The following MCC variants were observed in gnomAD, a reference collection of about 807,000 sequenced individuals.
MCC encodes the protein MCC regulator of Wnt signaling pathway, also known as colorectal mutant cancer protein.
A neutral mutation model predicts 116.2 loss-of-function variants in MCC; 90 were observed. The observed-to-expected ratio is 0.77, with a 90% CI of 0.65 to 0.92. The LOEUF is 0.92. MCC is among the 40% of genes least tolerant of loss of function. The probability of loss-of-function intolerance (pLI) is 0.00; values close to 1 mark genes in which losing one functional copy is unlikely to be tolerated. For synonymous variants in MCC, 578 were observed against 510.5 expected (o/e 1.13, Z -1.78); for missense variants, 1,516 against 1,312.2 (o/e 1.16, Z -2.40).
intron 3 of MCC, among the ~76,000 whole-genome samples, chr5:113,179,899 G>C (rs778818547): frequency 6.6e-6 from 1 of 152,144 alleles, no homozygotes; most frequent in Non-Finnish European, 1.5e-5. Flanking sequence ...CAGCTGCTAT[G>C]GGTATTGCAG....
chr5:113,390,179 T>A (rs949194131), intron 1 of MCC, among the ~76,000 whole-genome samples: 1 of 152,056 alleles, frequency 6.6e-6, no homozygotes, highest in African/African-American at 2.4e-5. Context: ...AGAAAGAAAA[T>A]ACAGCTTACA....
chr5:113,174,823 A>C (rs1159328009), intron 3 of MCC, among the ~76,000 whole-genome samples: 1 of 152,138 alleles, frequency 6.6e-6, no homozygotes, highest in Non-Finnish European at 1.5e-5. Context: ...TCCTGGGCTC[A>C]GACGATCCTC....
intron 4 of MCC, among the ~76,000 whole-genome samples, chr5:113,146,135 CAATGTAGTACTAT>C (rs1759502150): frequency 6.6e-6 from 1 of 152,072 alleles, no homozygotes; most frequent in African/African-American, 2.4e-5. Context: ...AAATAGCATA[CAATGTAGTACTAT>C]AATGTAATAC....
At chr5:113,039,107 G>A (rs942649878) in intron 17 of MCC, among the ~76,000 whole-genome samples, 1 of 152,216 alleles carries the variant, frequency 6.6e-6, no homozygotes, top group African/African-American at 2.4e-5. Context: ...GCAGCACCAT[G>A]CTCTGCTCCT....
At chr5:113,259,154 G>A (rs1765129479) in intron 3 of MCC, among the ~76,000 whole-genome samples, 1 of 152,152 alleles carries the variant, frequency 6.6e-6, no homozygotes, top group Non-Finnish European at 1.5e-5. Context: ...TCTCATAACT[G>A]AAGGCAAATC....
chr5:113,046,710 A>AAAAAAAAAAGAG, intron 16 of MCC, among the ~76,000 whole-genome samples: 5 of 102,462 alleles, frequency 4.9e-5, no homozygotes, highest in African/African-American at 1.2e-4. Flanking sequence ...AAAAAAAAAA[A>AAAAAAAAAAGAG]AGAGAGAGAT....
At chr5:113,363,138 G>T (rs1004561696) in intron 2 of MCC, among the ~76,000 whole-genome samples, 32 of 152,226 alleles carry the variant, frequency 2.1e-4, no homozygotes, top group African/African-American at 7.7e-4. Flanking sequence ...ATTAGCTGGT[G>T]TGGTGGCACG....
intron 2 of MCC, among the ~76,000 whole-genome samples, chr5:113,381,508 C>A (rs979827166): frequency 6.6e-6 from 1 of 152,138 alleles, no homozygotes; most frequent in Non-Finnish European, 1.5e-5. Flanking sequence ...TACGACCAAG[C>A]TCGGCATGGT....
intron 3 of MCC, among the ~76,000 whole-genome samples, chr5:113,285,149 T>G (rs1766199171): frequency 6.6e-6 from 1 of 152,158 alleles, no homozygotes; most frequent in African/African-American, 2.4e-5. Flanking sequence ...TACTTTTGAC[T>G]ACAGAAAATG....
chr5:113,202,020 C>G (rs188501127), intron 3 of MCC, among the ~76,000 whole-genome samples: 4 of 152,266 alleles, frequency 2.6e-5, no homozygotes, highest in African/African-American at 7.2e-5. Context: ...TGGCTGCCAG[C>G]ACAACCCAGT....
At position 113,145,737 on chromosome 5, in the gene MCC, T is replaced by TAC. The variant is rs558608537; in HGVS notation, c.742-2379_742-2378dup. On this transcript the variant is annotated intron_variant, in intron 4 of 18. Transcript: ENST00000408903. ...CTTTTGTTTCTCTAATAAACTTGCT[T>TAC]ACACACACACACACACACACACACA... Among the ~76,000 whole-genome samples the TAC allele has an allele frequency of 6.9e-4, 85 of 123,522 alleles. 1 individual carries two copies. The highest frequency in any genetic ancestry group is 2.4e-3 in the African/African-American group (84 of 35,234). 81.0% of individuals were successfully genotyped at this position (123,522 alleles called of 152,430 possible).
At chr5:113,056,345 T>C (rs946440965) in intron 14 of MCC, among the ~76,000 whole-genome samples, 4 of 152,134 alleles carry the variant, frequency 2.6e-5, no homozygotes, top group African/African-American at 7.2e-5. Context: ...AGTGGTAGAC[T>C]AGATAGAGAA....
chr5:113,232,631 A>C (rs1763977386), intron 3 of MCC, among the ~76,000 whole-genome samples: 1 of 152,208 alleles, frequency 6.6e-6, no homozygotes, highest in South Asian at 2.1e-4. Context: ...AACACTTCAA[A>C]AAACCTTTAA....
intron 3 of MCC, among the ~76,000 whole-genome samples, chr5:113,338,517 T>C (rs1378178353): frequency 6.6e-6 from 1 of 152,022 alleles, no homozygotes; most frequent in Non-Finnish European, 1.5e-5. Context: ...ACTCCCACAG[T>C]TTTCAATAGC....
At position 113,430,633 on chromosome 5, in the gene MCC, A is replaced by G. The variant is rs115692786; in HGVS notation, c.171-45421T>C. Among the ~76,000 whole-genome samples the G allele has an allele frequency of 9.7e-3, 1,475 of 152,340 alleles. 9 individuals carry two copies. The highest frequency in any genetic ancestry group is 0.016 in the Non-Finnish European group (1,110 of 68,026). On this transcript the variant is annotated intron_variant, in intron 1 of 18. Transcript: ENST00000408903. The stretch of plus-strand genomic sequence containing the variant: ...TTCTAGTGGGAATCAGAAAGCATGT[A>G]TATGAGAGGTAAGGCAAAGAAAGAA...
At chr5:113,391,240 T>C (rs1561548776) in intron 1 of MCC, among the ~76,000 whole-genome samples, 1 of 152,174 alleles carries the variant, frequency 6.6e-6, no homozygotes, top group East Asian at 1.9e-4. Context: ...TGATGGATGA[T>C]ACAGGCGCTA....
intron 1 of MCC, among the ~76,000 whole-genome samples, chr5:113,451,276 AG>A (rs1303614749): frequency 2.6e-5 from 4 of 152,266 alleles, no homozygotes; most frequent in African/African-American, 9.6e-5. Context: ...CCTCAGATAA[AG>A]CAAGGGATCT....
intron 3 of MCC, among the ~76,000 whole-genome samples, chr5:113,307,177 T>C (rs1373660758): frequency 6.6e-6 from 1 of 152,200 alleles, no homozygotes; most frequent in African/African-American, 2.4e-5. Context: ...CAGCTTGTTA[T>C]TGTGCCAAGT....
intron 1 of MCC, among the ~76,000 whole-genome samples, chr5:113,458,609 T>A (rs1002035218): frequency 1.5e-4 from 23 of 152,210 alleles, no homozygotes; most frequent in Admixed American, 4.6e-4. Context: ...AAGGGCTCTT[T>A]TAAAAGCACA....
Sources: allele counts gnomAD v4.1 joint callset (sites outside exome capture counted in the v4.1 genomes callset), GRCh38; gene constraint gnomAD v4.1.1; transcripts MANE v1.5; gene names NCBI Gene and HGNC (gene_info 2026-07-23, HGNC 2026-07-21).